The following SPOCK1 variants were observed in gnomAD, a reference collection of about 807,000 sequenced individuals.
SPOCK1 encodes testican-1.
A neutral mutation model predicts 55.3 loss-of-function variants in SPOCK1; 23 were observed. The ratio of observed to expected loss-of-function variants is 0.42; its 90% CI spans 0.30 to 0.59. The LOEUF (loss-of-function observed/expected upper bound fraction) is 0.59, where lower values mean the gene tolerates loss of function less well. Ranked by LOEUF, SPOCK1 falls within the 20% of genes least tolerant of loss-of-function variation. The pLI is 0.22. For missense variants in SPOCK1, 499 were observed against 552.5 expected (o/e 0.90, Z 0.97); for synonymous variants, 226 against 221.0 (o/e 1.02, Z -0.20).
intron 2 of SPOCK1, among the ~76,000 whole-genome samples, chr5:137,272,717 A>T (rs1160717480): frequency 9.1e-6 from 1 of 109,698 alleles, no homozygotes; most frequent in Non-Finnish European, 1.9e-5. Flanking sequence ...TTCTGTGTGC[A>T]CAAATCACCC....
At chr5:137,427,768 G>A (rs1752663343) in intron 2 of SPOCK1, among the ~76,000 whole-genome samples, 1 of 152,090 alleles carries the variant, frequency 6.6e-6, no homozygotes, top group Non-Finnish European at 1.5e-5. Flanking sequence ...AATTAGCCGG[G>A]TGCTGTGGTG....
At chr5:137,281,124 T>G (rs898713192) in intron 2 of SPOCK1, among the ~76,000 whole-genome samples, 15 of 152,244 alleles carry the variant, frequency 9.9e-5, no homozygotes, top group Admixed American at 9.8e-4. Flanking sequence ...ATCTATATAT[T>G]CATTCATTTA....
At chr5:137,240,303 C>T (rs1756257535) in intron 3 of SPOCK1, among the ~76,000 whole-genome samples, 1 of 152,204 alleles carries the variant, frequency 6.6e-6, no homozygotes, top group Admixed American at 6.5e-5. Context: ...ATCTCAGAAG[C>T]ACAGTGGCAT....
Position 137,359,898 on chromosome 5 carries a change from C to T in SPOCK1, c.187-92843G>A, listed in dbSNP as rs890768442. Among the ~76,000 whole-genome samples, 5 of 152,306 alleles carry T rather than the reference C, an allele frequency of 3.3e-5. No homozygotes were observed. In the South Asian group the frequency reaches 1.0e-3, roughly 32 times the overall value. On this transcript the variant is annotated intron_variant, in intron 2 of 10. Transcript: ENST00000394945. ...ACTGCTGGGAGATGGCTGTGGTCCA[C>T]AGATTTGTCCTGAAGCAACTTCAGA... is the stretch of plus-strand genomic sequence containing the variant.
intron 2 of SPOCK1, among the ~76,000 whole-genome samples, chr5:137,396,421 T>C (rs2127181802): frequency 6.6e-6 from 1 of 152,384 alleles, no homozygotes; most frequent in East Asian, 1.9e-4. Context: ...GGATTATCCT[T>C]TAAAACTAAG....
chr5:137,235,423 C>G (rs1407233855), intron 3 of SPOCK1, among the ~76,000 whole-genome samples: 2 of 152,194 alleles, frequency 1.3e-5, no homozygotes, highest in East Asian at 3.8e-4. Context: ...CACGCAAAAC[C>G]TTAACGCCTT....
At chr5:137,409,141 C>T (rs74726665) in intron 2 of SPOCK1, among the ~76,000 whole-genome samples, 3,092 of 152,246 alleles carry the variant, frequency 0.02, 101 homozygotes, top group African/African-American at 0.07. Flanking sequence ...CCCCTGACTC[C>T]ATCCAGGAAG....
chr5:137,088,771 G>A (rs1753004769), intron 5 of SPOCK1, among the ~76,000 whole-genome samples: 1 of 152,154 alleles, frequency 6.6e-6, no homozygotes, highest in Non-Finnish European at 1.5e-5. Context: ...GTGAACCATG[G>A]CAAGGGAACT....
At chr5:137,108,623 A>G (rs894790598) in intron 5 of SPOCK1, among the ~76,000 whole-genome samples, 5 of 152,218 alleles carry the variant, frequency 3.3e-5, no homozygotes, top group South Asian at 2.1e-4. Context: ...GGAGAAGAAT[A>G]TTACAACCTT....
intron 6 of SPOCK1, among the ~76,000 whole-genome samples, chr5:137,004,408 T>C (rs1436525412): frequency 6.6e-6 from 1 of 152,052 alleles, no homozygotes; most frequent in East Asian, 1.9e-4. Context: ...GTCATGCAAG[T>C]CTCTCAATCA....
chr5:137,044,605 T>A (rs914767766), intron 6 of SPOCK1, among the ~76,000 whole-genome samples: 1 of 152,098 alleles, frequency 6.6e-6, no homozygotes, highest in Non-Finnish European at 1.5e-5. Flanking sequence ...AGGTACAGAG[T>A]GTTTAGCAAC....
intron 5 of SPOCK1, among the ~76,000 whole-genome samples, chr5:137,082,412 G>T (rs1288409196): frequency 6.6e-6 from 1 of 152,208 alleles, no homozygotes; most frequent in African/African-American, 2.4e-5. Context: ...GCCTAACCAG[G>T]TGGGTGGGGA....
At chr5:137,484,886 T>TACTAACCA (rs1561547898) in intron 2 of SPOCK1, among the ~76,000 whole-genome samples, 1 of 151,962 alleles carries the variant, frequency 6.6e-6, no homozygotes, top group African/African-American at 2.4e-5. Flanking sequence ...GAATAGCACC[T>TACTAACCA]TACTAAAATG....
In SPOCK1 at chr5:137,332,588, G is replaced by A. The variant is rs534524518; in HGVS notation, c.187-65533C>T. ...GGATGCTTCTCCACTTCTATGGGCT[G>A]GAGGAGGGGGATGTGCCACGTTTTG... is the stretch of plus-strand genomic sequence containing the variant. On this transcript the variant is annotated intron_variant, in intron 2 of 10. Transcript: ENST00000394945. 1.1e-4 allele frequency among the ~76,000 whole-genome samples: 17 copies of A among 152,362 alleles called. No homozygotes were observed. In the East Asian group the frequency reaches 2.5e-3, roughly 22 times the overall value.
At chr5:137,361,961 C>T (rs996737382) in intron 2 of SPOCK1, among the ~76,000 whole-genome samples, 1 of 152,174 alleles carries the variant, frequency 6.6e-6, no homozygotes, top group African/African-American at 2.4e-5. Context: ...GAGCTTCCCC[C>T]TTAAGTGTTC....
At chr5:137,326,395 T>C (rs1235543366) in intron 2 of SPOCK1, among the ~76,000 whole-genome samples, 2 of 152,348 alleles carry the variant, frequency 1.3e-5, no homozygotes, top group East Asian at 3.9e-4. Flanking sequence ...ACCTGAGCTC[T>C]TTCTATTCCA....
intron 3 of SPOCK1, among the ~76,000 whole-genome samples, chr5:137,161,583 A>T (rs1754558848): frequency 6.6e-6 from 1 of 152,072 alleles, no homozygotes; most frequent in Non-Finnish European, 1.5e-5. Context: ...TTTTTGTCTT[A>T]CTTGTAACAA....
At chr5:137,193,037 G>A (rs1162299494) in intron 3 of SPOCK1, among the ~76,000 whole-genome samples, 1 of 152,204 alleles carries the variant, frequency 6.6e-6, no homozygotes, top group Non-Finnish European at 1.5e-5. Flanking sequence ...AGCTGATAGG[G>A]CTGTATTAAT....
At chr5:137,366,286 G>A (rs1172024633) in intron 2 of SPOCK1, among the ~76,000 whole-genome samples, 4 of 151,570 alleles carry the variant, frequency 2.6e-5, no homozygotes, top group Non-Finnish European at 5.9e-5. Context: ...AGAAAATTTG[G>A]AGCTGTCTTA....
Sources: gnomAD v4.1 joint callset for allele counts (sites outside exome capture counted in the v4.1 genomes callset) on GRCh38, gnomAD v4.1.1 for gene constraint, MANE v1.5 for transcripts, NCBI Gene and HGNC (gene_info 2026-07-23, HGNC 2026-07-21) for gene names.